Variants in CNTNAP2 observed in about 807,000 individuals in gnomAD.
The protein encoded by CNTNAP2 is contactin-associated protein-like 2.
A neutral mutation model predicts 155.2 loss-of-function variants in CNTNAP2; 98 were observed. That is an observed-to-expected ratio of 0.63 (90% confidence interval 0.54 to 0.75). CNTNAP2 has a LOEUF of 0.75. Among genes scored for constraint, CNTNAP2 ranks in the 30% least tolerant of loss-of-function variants. The pLI is 0.00. For synonymous variants in CNTNAP2, 651 were observed against 631.2 expected (o/e 1.03, Z -0.47); for missense variants, 1,727 against 1,688.1 (o/e 1.02, Z -0.40).
intron 1 of CNTNAP2, among the ~76,000 whole-genome samples, chr7:146,643,880 T>C (rs344484): frequency 0.83 from 125,373 of 150,556 alleles, 52,866 homozygotes; most frequent in African/African-American, 0.91. Flanking sequence ...CCTTCACGTC[T>C]CTTGTAAGTT....
chr7:146,985,736 T>A (rs2129237803), intron 3 of CNTNAP2, among the ~76,000 whole-genome samples: 1 of 152,310 alleles, frequency 6.6e-6, no homozygotes, highest in Non-Finnish European at 1.5e-5. Context: ...TCCCTTTTCT[T>A]TGAAATAAAG....
At chr7:146,977,027 G>A (rs1797924869) in intron 3 of CNTNAP2, among the ~76,000 whole-genome samples, 1 of 152,136 alleles carries the variant, frequency 6.6e-6, no homozygotes, top group Admixed American at 6.6e-5. Context: ...GGAGGAGAAA[G>A]GCAGAGAGAG....
chr7:147,851,274 A>T (rs1798934090), intron 13 of CNTNAP2, among the ~76,000 whole-genome samples: 1 of 152,166 alleles, frequency 6.6e-6, no homozygotes, highest in African/African-American at 2.4e-5. Context: ...AGGAAACAAC[A>T]GGTGCTGGAG....
At chr7:147,291,973 G>C (rs565893165) in intron 8 of CNTNAP2, among the ~76,000 whole-genome samples, 2 of 152,174 alleles carry the variant, frequency 1.3e-5, no homozygotes, top group African/African-American at 4.8e-5. Context: ...GGAGCTCTTA[G>C]TATATTTTAG....
At chr7:146,191,728 C>T (rs1027577054) in intron 1 of CNTNAP2, among the ~76,000 whole-genome samples, 2 of 152,146 alleles carry the variant, frequency 1.3e-5, no homozygotes, top group African/African-American at 2.4e-5. Flanking sequence ...TTCTCCTATT[C>T]ACTTTTGTAA....
At chr7:148,212,600 C>T (rs1287069088) in intron 18 of CNTNAP2, among the ~76,000 whole-genome samples, 2 of 152,156 alleles carry the variant, frequency 1.3e-5, no homozygotes, top group Non-Finnish European at 2.9e-5. Context: ...TTAAACCAAG[C>T]ATTCTAAATC....
chr7:147,681,460 T>G (rs1795947217), intron 13 of CNTNAP2, among the ~76,000 whole-genome samples: 1 of 151,826 alleles, frequency 6.6e-6, no homozygotes, highest in Non-Finnish European at 1.5e-5. Context: ...CCATGCTAGA[T>G]GGGGTTTGGT....
intron 15 of CNTNAP2, among the ~76,000 whole-genome samples, chr7:147,999,079 C>T (rs1009445381): frequency 2.0e-5 from 3 of 152,070 alleles, no homozygotes; most frequent in Admixed American, 6.6e-5. Context: ...GTTATATTCT[C>T]ATTATAGAAG....
intron 1 of CNTNAP2, among the ~76,000 whole-genome samples, chr7:146,311,121 A>G (rs1800813395): frequency 6.6e-6 from 1 of 152,206 alleles, no homozygotes; most frequent in African/African-American, 2.4e-5. Context: ...TCTTTAGGTC[A>G]GATATTGTTA....
chr7:146,509,892 G>A (rs532480700), intron 1 of CNTNAP2, among the ~76,000 whole-genome samples: 1 of 152,130 alleles, frequency 6.6e-6, no homozygotes, highest in Non-Finnish European at 1.5e-5. Flanking sequence ...GCACACAGGG[G>A]ACCTGTCCAC....
intron 2 of CNTNAP2, among the ~76,000 whole-genome samples, chr7:146,779,696 A>C (rs1318969588): frequency 6.6e-6 from 1 of 152,148 alleles, no homozygotes; most frequent in Non-Finnish European, 1.5e-5. Flanking sequence ...CTCCTCAAAG[A>C]TGTTTCCTCC....
chr7:147,301,497 T>A (rs1015670083), intron 9 of CNTNAP2, among the ~76,000 whole-genome samples: 3 of 152,110 alleles, frequency 2.0e-5, no homozygotes, highest in Non-Finnish European at 4.4e-5. Context: ...AATCTGTATG[T>A]TACATGTTTG....
chr7:146,234,804 G>A (rs1799444545), intron 1 of CNTNAP2, among the ~76,000 whole-genome samples: 2 of 152,088 alleles, frequency 1.3e-5, no homozygotes, highest in East Asian at 3.9e-4. Flanking sequence ...TACCTATATT[G>A]GAAACTTTAC....
intron 3 of CNTNAP2, chr7:146,915,968 C>T (rs560260353): frequency 7.2e-5 from 11 of 152,148 alleles, no homozygotes; most frequent in Non-Finnish European, 1.2e-4. Flanking sequence ...TTATATATGG[C>T]TTTTATTACC....
intron 2 of CNTNAP2, among the ~76,000 whole-genome samples, chr7:146,826,849 T>C (rs545699008): frequency 1.4e-5 from 2 of 142,574 alleles, no homozygotes; most frequent in Non-Finnish European, 3.0e-5. Flanking sequence ...TATATATATA[T>C]ATATATATAG....
chr7:147,804,822 G>A (rs996325351), intron 13 of CNTNAP2, among the ~76,000 whole-genome samples: 4 of 152,232 alleles, frequency 2.6e-5, no homozygotes, highest in Middle Eastern at 3.4e-3. Flanking sequence ...CCACAGTGCT[G>A]GGATTACAGG....
chr7:147,838,429 C>A (rs2116647401), intron 13 of CNTNAP2, among the ~76,000 whole-genome samples: 1 of 152,238 alleles, frequency 6.6e-6, no homozygotes, highest in South Asian at 2.1e-4. Context: ...TGTCAGGCTG[C>A]AAATTTTCCA....
intron 9 of CNTNAP2, among the ~76,000 whole-genome samples, chr7:147,344,922 A>G (rs528947147): frequency 1.3e-5 from 2 of 152,194 alleles, no homozygotes; most frequent in East Asian, 3.9e-4. Context: ...TTTGTTTTGT[A>G]TGTGTCATGT....
At chr7:146,734,482 T>A (rs1318910867) in intron 1 of CNTNAP2, among the ~76,000 whole-genome samples, 1 of 151,622 alleles carries the variant, frequency 6.6e-6, no homozygotes, top group East Asian at 2.0e-4. Context: ...TAAGAAGGAA[T>A]GATGATATTA....
Sources: allele counts gnomAD v4.1 joint callset (sites outside exome capture counted in the v4.1 genomes callset), GRCh38; gene constraint gnomAD v4.1.1; transcripts MANE v1.5; gene names NCBI Gene and HGNC (gene_info 2026-07-23, HGNC 2026-07-21).